Variants in PEX14 observed in about 807,000 individuals in gnomAD.
The protein encoded by PEX14 is peroxisomal membrane protein PEX14.
PEX14 carries 15 observed loss-of-function variants against 49.5 expected under a neutral mutation model. The observed-to-expected ratio is 0.30, with a 90% confidence interval of 0.20 to 0.47. PEX14 has a LOEUF of 0.47. Among genes scored for constraint, PEX14 ranks in the 20% least tolerant of loss-of-function variants. PEX14 has a pLI of 1.00. For synonymous variants in PEX14, 210 were observed against 212.7 expected (o/e 0.99, Z 0.11); for missense variants, 398 against 494.8 (o/e 0.80, Z 1.86).
At chr1:10,553,110 G>A (rs7555790) in intron 3 of PEX14, among the ~76,000 whole-genome samples, 47,872 of 152,056 alleles carry the variant, frequency 0.31, 8,363 homozygotes, top group East Asian at 0.46. Context: ...GTTTTAGAAA[G>A]CTCTCTCAAA....
At chr1:10,476,081 T>C (rs1448442685) in intron 1 of PEX14, among the ~76,000 whole-genome samples, 1 of 152,194 alleles carries the variant, frequency 6.6e-6, no homozygotes, top group Non-Finnish European at 1.5e-5. Context: ...TCATTCCTCC[T>C]CTCCCATCTC....
In PEX14 at chr1:10,577,562, ATTTTTTTTTTTTT is replaced by A. The variant is rs1164876121; in HGVS notation, c.170-21640_170-21628del. ...TATATATATATATATATATATATAT[ATTTTTTTTTTTTT>A]TTTTTTTTTTTTTTTTTTTTTTTTT... is the stretch of plus-strand genomic sequence containing the variant. On this transcript the variant is annotated intron_variant, in intron 3 of 8. Transcript: ENST00000356607. Among the ~76,000 whole-genome samples the A allele has an allele frequency of 4.7e-3, 29 of 6,234 alleles. 1 individual carries two copies. Among genetic ancestry groups the A allele is most frequent in the Middle Eastern group, 0.12 (1 of 8 alleles). The allele number at this position is 6,234 out of a possible 152,430, so 4.1% of individuals were successfully genotyped here.
rs1451389053 is a variant in PEX14 at position 10,514,138 on chromosome 1, A to G, written c.84+18817A>G. ...GAAATAGAAAAAAAGGAAAAAATGT[A>G]TAAAATAATCTATGCCTCTGTGTGT... On this transcript the variant is annotated intron_variant, in intron 2 of 8. Transcript: ENST00000356607. This position sits in a 1 kb window ranked among gnomAD's most constrained non-coding sequence, Gnocchi z 4.4. Among the ~76,000 whole-genome samples the G allele has an allele frequency of 6.7e-6, 1 of 150,272 alleles. No homozygotes were observed. Among genetic ancestry groups the G allele is most frequent in the East Asian group, 2.0e-4 (1 of 5,088 alleles).
At chr1:10,515,095 A>ACAGAAG (rs1209605666) in intron 2 of PEX14, among the ~76,000 whole-genome samples, 3 of 152,216 alleles carry the variant, frequency 2.0e-5, no homozygotes, top group African/African-American at 2.4e-5. Context: ...AGCAGCATGG[A>ACAGAAG]TCTGTGCCAG....
At chr1:10,614,854 G>A (rs1042908992) in intron 4 of PEX14, among the ~76,000 whole-genome samples, 8 of 152,160 alleles carry the variant, frequency 5.3e-5, no homozygotes, top group African/African-American at 1.9e-4. Context: ...TTTTCCTCCT[G>A]AAAATGGACT....
At chr1:10,575,250 G>A (rs1212520443) in intron 3 of PEX14, among the ~76,000 whole-genome samples, 5 of 152,134 alleles carry the variant, frequency 3.3e-5, no homozygotes, top group South Asian at 4.1e-4. Flanking sequence ...ACTGAAAAAC[G>A]TTCTATCAAA....
chr1:10,482,380 T>C (rs1485187648), intron 1 of PEX14, among the ~76,000 whole-genome samples: 1 of 152,016 alleles, frequency 6.6e-6, no homozygotes, highest in Non-Finnish European at 1.5e-5. Flanking sequence ...TCCACCTACC[T>C]TGGCCTCCCA....
chr1:10,516,123 C>G (rs371420922), intron 2 of PEX14, among the ~76,000 whole-genome samples: 112 of 152,316 alleles, frequency 7.4e-4, no homozygotes, highest in African/African-American at 2.5e-3. Context: ...TGGCAGAATA[C>G]CGAATGATCT....
chr1:10,598,661 G>A (rs1036318426), intron 3 of PEX14, among the ~76,000 whole-genome samples: 1 of 152,162 alleles, frequency 6.6e-6, no homozygotes, highest in Non-Finnish European at 1.5e-5. Context: ...GCCTTGTTTT[G>A]ATCTGTTTTC....
rs1641543248 is a variant in PEX14 at position 10,495,477 on chromosome 1, T to C, written c.84+156T>C. On this transcript the variant is annotated intron_variant, in intron 2 of 8. Transcript: ENST00000356607. The surrounding 1 kb of genome is among the most constrained non-coding windows in gnomAD (Gnocchi z 4.2). The stretch of plus-strand genomic sequence containing the variant: ...TCTGTCAGTGACCTCTGACTTCTCT[T>C]CTCGCGTGTGGGGACGAGTGAGATC... Among the ~76,000 whole-genome samples, 1 of 152,212 alleles carries C rather than the reference T, an allele frequency of 6.6e-6. No homozygotes were observed. Among genetic ancestry groups the C allele is most frequent in the South Asian group, 2.1e-4 (1 of 4,830 alleles).
rs1324980947 is a variant in PEX14 at position 10,529,580 on chromosome 1, AT to A, written c.85-6632del. ...TTTAACTAAGGCCAAGGGAAAAAAA[AT>A]AAATGGCAGAGATATTTCACTTTGA... On this transcript the variant is annotated intron_variant, in intron 2 of 8. Coordinates refer to ENST00000356607, the MANE Select transcript of PEX14 (RefSeq NM_004565.3). The surrounding 1 kb of genome is among the most constrained non-coding windows in gnomAD (Gnocchi z 4.2). Among the ~76,000 whole-genome samples the A allele has an allele frequency of 2.0e-5, 3 of 152,256 alleles. No homozygotes were observed. Among genetic ancestry groups the A allele is most frequent in the African/African-American group, 7.2e-5 (3 of 41,470 alleles).
At chr1:10,541,284 A>G (rs1413586338) in intron 3 of PEX14, among the ~76,000 whole-genome samples, 1 of 152,216 alleles carries the variant, frequency 6.6e-6, no homozygotes, top group Non-Finnish European at 1.5e-5. Context: ...AGGTCACCTT[A>G]GCGGTAAAAG....
In PEX14 at chr1:10,495,299, A is replaced by T; in HGVS notation, c.62A>T (p.Asn21Ile). The change falls in exon 2 of 9, where the codon AAT becomes ATT. Residue 21 changes from asparagine to isoleucine, a missense_variant. Physicochemically the swap from Asn to Ile is moderately radical, Grantham distance 149 (BLOSUM62 -3). Coordinates refer to ENST00000356607, the MANE Select transcript of PEX14 (RefSeq NM_004565.3). The surrounding 1 kb of genome is among the most constrained non-coding windows in gnomAD (Gnocchi z 4.2). ...CCAAGCTCTACTCCAGGAAGTGAAA[A>T]TGTGCTGCCTCGAGAGCCGCTGGTA... ...SQPSSTPGSE[N>I]VLPREPLIAT... The T allele has an allele frequency of 3.1e-6, 5 of 1,613,994 alleles. No individual in the cohort carries two copies. In the South Asian group the frequency reaches 5.5e-5, roughly 18 times the overall value.
At chr1:10,624,318 C>A in intron 6 of PEX14, 22 bp from the exon 7 acceptor site, 3 of 1,535,972 alleles carry the variant, frequency 2.0e-6, no homozygotes, top group Non-Finnish European at 2.7e-6. Context: ...TTGCCAGCGC[C>A]GTGACTGCTT....
intron 1 of PEX14, among the ~76,000 whole-genome samples, chr1:10,485,839 C>T (rs760628543): frequency 1.3e-5 from 2 of 150,614 alleles, no homozygotes; most frequent in Non-Finnish European, 2.9e-5. Flanking sequence ...CACTGCAACC[C>T]CCGCCTCCTG....
chr1:10,559,958 G>T (rs1192358920), intron 3 of PEX14, among the ~76,000 whole-genome samples: 1 of 152,100 alleles, frequency 6.6e-6, no homozygotes, highest in Non-Finnish European at 1.5e-5. Flanking sequence ...TGCTTTCGGC[G>T]TGTGTCTTCC....
chr1:10,612,514 A>G (rs1370912359), intron 4 of PEX14, among the ~76,000 whole-genome samples: 1 of 152,166 alleles, frequency 6.6e-6, no homozygotes, highest in Non-Finnish European at 1.5e-5. Context: ...CAACAGGACT[A>G]CTGTTGGGCT....
chr1:10,540,316 ACTTTT>A (rs1051499206), intron 3 of PEX14, among the ~76,000 whole-genome samples: 2 of 152,100 alleles, frequency 1.3e-5, no homozygotes, highest in South Asian at 2.1e-4. Context: ...CTCTTTTATT[ACTTTT>A]CTTTTTTTTA....
intron 3 of PEX14, among the ~76,000 whole-genome samples, chr1:10,548,850 CAT>C (rs1639253137): frequency 6.6e-6 from 1 of 152,194 alleles, no homozygotes; most frequent in Non-Finnish European, 1.5e-5. Flanking sequence ...CAACTTCAAA[CAT>C]ACCTGTTCAG....
Sources: allele counts gnomAD v4.1 joint callset (sites outside exome capture counted in the v4.1 genomes callset), GRCh38; gene constraint gnomAD v4.1.1; non-coding constraint Gnocchi (gnomAD v3.1); transcripts MANE v1.5; gene names NCBI Gene and HGNC (gene_info 2026-07-23, HGNC 2026-07-21).